PPL: variants seen among roughly 807,000 people sequenced by gnomAD.
The protein encoded by PPL is periplakin.
Under a neutral mutation model 194.4 loss-of-function variants are expected in PPL, and 198 were observed. The ratio of observed to expected loss-of-function variants is 1.02; its 90% confidence interval spans 0.91 to 1.15. The LOEUF (loss-of-function observed/expected upper bound fraction) is 1.15, where lower values mean the gene tolerates loss of function less well. PPL is among the 50% of genes most tolerant of loss of function. The pLI, the probability that PPL is intolerant of heterozygous loss-of-function variation, is 0.00. For synonymous variants in PPL, 1,220 were observed against 972.4 expected (o/e 1.25, Z -4.74); for missense variants, 2,885 against 2,294.8 (o/e 1.26, Z -5.25).
chr16:4,905,654 A>C (rs2088666760), intron 2 of PPL, among the ~76,000 whole-genome samples: 1 of 152,234 alleles, frequency 6.6e-6, no homozygotes, highest in Non-Finnish European at 1.5e-5. Flanking sequence ...CGAGAAATAC[A>C]CAGGGGTGAC....
Position 4,910,891 on chromosome 16 carries a change from C to G in PPL, c.121G>C (p.Val41Leu). 2 of 1,613,946 alleles carry G rather than the reference C, an allele frequency of 1.2e-6. No homozygotes were observed. The highest frequency in any genetic ancestry group is 1.7e-6 in the Non-Finnish European group (2 of 1,180,022). Reference protein sequence around the residue: ...IEQLQKNADQVEKNIVDTEAK... With the variant: ...IEQLQKNADQLEKNIVDTEAK... ...TCTGTGTCCACGATGTTCTTCTCCA[C>G]CTGGTCGGCATTCTTCTGCAGCTGC... The change falls in exon 2 of 22, where the codon GTG (valine) becomes CTG (leucine). Residue 41 changes from valine to leucine, a missense_variant. Val to Leu is a conservative substitution (Grantham distance 32, BLOSUM62 1). Transcript: ENST00000345988.
rs769737935 is a variant in PPL at position 4,895,621 on chromosome 16, C to G, written c.1068G>C (p.Gln356His). 6.2e-7 allele frequency: 1 copy of G among 1,613,944 alleles called. No homozygotes were observed. Among genetic ancestry groups the G allele is most frequent in the Non-Finnish European group, 8.5e-7 (1 of 1,180,040 alleles). The change falls in exon 10 of 22, where the codon CAG becomes CAC. Residue 356 changes from glutamine (Q) to histidine (H), a missense_variant. Transcript: ENST00000345988. Reference protein sequence around the residue: ...KYGPDFKDRYQIELLLRELDD... With the variant: ...KYGPDFKDRYHIELLLRELDD... The stretch of plus-strand genomic sequence containing the variant: ...CCAGCTCCCGCAGCAGCAGCTCAAT[C>G]TGGTACCGGTCCTTGAAGTCAGGGC...
intron 2 of PPL, among the ~76,000 whole-genome samples, chr16:4,907,139 G>C (rs1367496654): frequency 6.6e-6 from 1 of 150,436 alleles, no homozygotes; most frequent in African/African-American, 2.4e-5. Flanking sequence ...GCATGCGCCT[G>C]TAGTCCCAGC....
chr16:4,907,218 C>T (rs1439760035), intron 2 of PPL, among the ~76,000 whole-genome samples: 1 of 151,332 alleles, frequency 6.6e-6, no homozygotes, highest in Non-Finnish European at 1.5e-5. Flanking sequence ...GTCGTGATTG[C>T]GCCACTGCAC....
At position 4,904,056 on chromosome 16, in the gene PPL, G is replaced by A. The variant is rs775189228; in HGVS notation, c.163-16C>T. 1.9e-6 allele frequency: 3 copies of A among 1,608,404 alleles called. No homozygotes were observed. In the Admixed American group the frequency reaches 5.0e-5, roughly 27 times the overall value. On this transcript the variant is annotated splice_polypyrimidine_tract_variant and intron_variant, in intron 2 of 21. Transcript: ENST00000345988. ...GAGCCAGGTCCTGTGAGGGTCACAA[G>A]AGAGGGGACAATGAACAGGAGCCGA...
chr16:4,884,746 T>C lies in PPL; in HGVS notation c.3909A>G (p.Gln1303=). The C allele has an allele frequency of 1.2e-6, 2 of 1,614,182 alleles. No individual in the cohort carries two copies. The highest frequency in any genetic ancestry group is 1.7e-6 in the Non-Finnish European group (2 of 1,180,028). The change falls in exon 22 of 22, where the codon CAA becomes CAG. Residue 1303 remains glutamine (Q), a synonymous_variant. Coordinates refer to ENST00000345988, the MANE Select transcript of PPL (RefSeq NM_002705.5). This position sits in a 1 kb window ranked among gnomAD's most constrained non-coding sequence, Gnocchi z 5.7. The part of the protein sequence containing the change: ...QEILQFQEDP[Q]TKEEVASLRA... Reference sequence around the variant, plus strand: ...TCAGAGACGCCACCTCCTCCTTGGTTTGAGGGTCTTCTTGGAATTGGAGGA... The same window carrying C: ...TCAGAGACGCCACCTCCTCCTTGGTCTGAGGGTCTTCTTGGAATTGGAGGA...
At chr16:4,916,446 A>G (rs1487154385) in intron 1 of PPL, among the ~76,000 whole-genome samples, 1 of 151,950 alleles carries the variant, frequency 6.6e-6, no homozygotes, top group African/African-American at 2.4e-5. Flanking sequence ...TCCTGACCTC[A>G]GGTGATGCAC....
intron 8 of PPL, among the ~76,000 whole-genome samples, chr16:4,898,573 G>A (rs2088479920): frequency 6.6e-6 from 1 of 152,122 alleles, no homozygotes; most frequent in Admixed American, 6.5e-5. Context: ...GAAGGGACTG[G>A]AATGATGCAG....
At chr16:4,888,551 A>G (rs1485590316) in intron 19 of PPL, among the ~76,000 whole-genome samples, 3 of 152,100 alleles carry the variant, frequency 2.0e-5, no homozygotes, top group Non-Finnish European at 2.9e-5. Context: ...TCACCTTGCC[A>G]CCACCTCTTC....
At chr16:4,909,656 A>C (rs1445538970) in intron 2 of PPL, among the ~76,000 whole-genome samples, 1 of 151,338 alleles carries the variant, frequency 6.6e-6, no homozygotes, top group Non-Finnish European at 1.5e-5. Flanking sequence ...CAAACTCCCG[A>C]CCTCAAGTGA....
intron 1 of PPL, among the ~76,000 whole-genome samples, chr16:4,920,848 C>T (rs1596581695): frequency 6.6e-6 from 1 of 152,172 alleles, no homozygotes; most frequent in Admixed American, 6.6e-5. Flanking sequence ...AGGGATGCTC[C>T]TGACTTGGCC....
intron 1 of PPL, among the ~76,000 whole-genome samples, chr16:4,923,009 C>T (rs117336349): frequency 0.017 from 2,539 of 152,244 alleles, 42 homozygotes; most frequent in Non-Finnish European, 0.026. Context: ...ACGCACAGCC[C>T]GCTTCAGCTG....
chr16:4,936,987 C>T lies in PPL; in HGVS notation c.59G>A (p.Arg20Gln), dbSNP rs202195318. ...GGAGCTGTGGGCGCCTCCTCACCTC[C>T]GGGTCTGCACAGTGGGGCTGTATTT... ...KGKYSPTVQT[R>Q]SISNKELSEL... Residue 20 changes from arginine (R) to glutamine (Q), a missense_variant, in exon 1 of 22, where the codon CGG becomes CAG. Arg to Gln is a conservative substitution (Grantham distance 43, BLOSUM62 1). Coordinates refer to ENST00000345988, the MANE Select transcript of PPL (RefSeq NM_002705.5). The T allele has an allele frequency of 4.0e-4, 637 of 1,582,344 alleles. 13 individuals carry two copies. The East Asian group carries it at 0.015, about 38-fold the overall frequency.
In PPL at chr16:4,893,245, G is replaced by A; in HGVS notation, c.1618C>T (p.Gln540Ter). ...RPPLEQGRAVQDSAERAKDLK... is the reference protein window; with the variant it reads ...RPPLEQGRAV ...TCCTTGGCCCGCTCGGCACTGTCCT[G>A]CACAGCCCGGCCTTGCTCCAGTGGT... Residue 540 changes from glutamine (Q) to a stop codon, truncating the protein, a stop_gained, in exon 14 of 22, where the codon CAG (glutamine) becomes TAG (stop). Coordinates refer to ENST00000345988, the MANE Select transcript of PPL (RefSeq NM_002705.5). LOFTEE classifies it high-confidence loss of function. 6.3e-7 allele frequency: 1 copy of A among 1,589,164 alleles called. No homozygotes were observed. The highest frequency in any genetic ancestry group is 8.5e-7 in the Non-Finnish European group (1 of 1,171,884).
chr16:4,892,027 C>T lies in PPL; in HGVS notation c.1829+8G>A. The T allele has an allele frequency of 6.2e-7, 1 of 1,612,378 alleles. No homozygotes were observed. Among genetic ancestry groups the T allele is most frequent in the African/African-American group, 1.3e-5 (1 of 75,034 alleles). Reference sequence around the variant, plus strand: ...CCCCAACCTCCATGCTGCCTGTCTGCCACCCACTTCTCCTGGGCCAAGTCC... The same window carrying T: ...CCCCAACCTCCATGCTGCCTGTCTGTCACCCACTTCTCCTGGGCCAAGTCC... On this transcript the variant is annotated splice_region_variant and intron_variant, in intron 15 of 21. Coordinates refer to ENST00000345988, the MANE Select transcript of PPL (RefSeq NM_002705.5).
At chr16:4,910,368 G>A (rs2088794687) in intron 2 of PPL, among the ~76,000 whole-genome samples, 1 of 152,154 alleles carries the variant, frequency 6.6e-6, no homozygotes. Context: ...CCCGCCAAAT[G>A]GGAACCATCA....
Position 4,909,655 on chromosome 16 carries a change from G to A in PPL, c.162+1195C>T, listed in dbSNP as rs566415631. Among the ~76,000 whole-genome samples the A allele has an allele frequency of 3.9e-5, 6 of 152,020 alleles. No homozygotes were observed. The East Asian group carries it at 7.7e-4, about 20-fold the overall frequency. On this transcript the variant is annotated intron_variant, in intron 2 of 21. Coordinates refer to ENST00000345988, the MANE Select transcript of PPL (RefSeq NM_002705.5). ...TTGGCCAGTCTGGTCTCAAACTCCC[G>A]ACCTCAAGTGATCTACCCACCTCGG...
chr16:4,935,811 C>T (rs1347160167), intron 1 of PPL, among the ~76,000 whole-genome samples: 1 of 152,170 alleles, frequency 6.6e-6, no homozygotes, highest in Non-Finnish European at 1.5e-5. Context: ...GAGGCCTCTC[C>T]TTGCCTAGGG....
chr16:4,894,368 C>T (rs1244024225), intron 12 of PPL, 99 bp downstream of exon 12: 2 of 1,480,612 alleles, frequency 1.4e-6, no homozygotes, highest in Admixed American at 4.0e-5. Context: ...ACCCCGCGCT[C>T]CCCACAGGCT....
Sources: gnomAD v4.1 joint callset for allele counts (sites outside exome capture counted in the v4.1 genomes callset) on GRCh38, gnomAD v4.1.1 for gene constraint, Gnocchi (gnomAD v3.1) non-coding constraint, MANE v1.5 for transcripts, NCBI Gene and HGNC (gene_info 2026-07-23, HGNC 2026-07-21) for gene names.